Variants in IGDCC3 observed in about 807,000 individuals in gnomAD.
IGDCC3 encodes the protein immunoglobulin superfamily DCC subclass member 3.
IGDCC3 carries 47 observed loss-of-function variants against 72.0 expected under a neutral mutation model. The ratio of observed to expected loss-of-function variants is 0.65; its 90% CI spans 0.52 to 0.83. The LOEUF (loss-of-function observed/expected upper bound fraction) is 0.83. IGDCC3 is among the 40% of genes least tolerant of loss of function. The probability of loss-of-function intolerance (pLI) is 0.00; values close to 1 mark genes in which losing one functional copy is unlikely to be tolerated. For synonymous variants in IGDCC3, 477 were observed against 472.8 expected, an observed-to-expected ratio of 1.01 and a Z score of -0.11; for missense variants, 1,038 against 1,091.3, an observed-to-expected ratio of 0.95 and a Z score of 0.69.
chr15:65,329,438 C>G lies in IGDCC3; in HGVS notation c.2157G>C (p.Gln719His). The change falls in exon 13 of 14, where the codon CAG (glutamine) becomes CAC (histidine). Residue 719 changes from glutamine to histidine, a missense_variant. Coordinates refer to ENST00000327987, the MANE Select transcript of IGDCC3 (RefSeq NM_004884.4). This position sits in a 1 kb window ranked among gnomAD's most constrained non-coding sequence, Gnocchi z 4.1. ...EKRVDMKELE[Q>H]LFPPASAAGQ... ...CTGCTGCGCTGGCCGGGGGGAACAG[C>G]TGCTCCAGCTCCTTCATATCCACAC... The G allele has an allele frequency of 6.2e-7, 1 of 1,607,176 alleles. No individual in the cohort carries two copies. Among genetic ancestry groups the G allele is most frequent in the Non-Finnish European group, 8.5e-7 (1 of 1,177,440 alleles).
intron 2 of IGDCC3, among the ~76,000 whole-genome samples, chr15:65,337,887 G>A (rs2091045398): frequency 6.6e-6 from 1 of 152,206 alleles, no homozygotes; most frequent in South Asian, 2.1e-4. Context: ...GGGACTAATG[G>A]CTCTGCTGAC....
chr15:65,332,910 C>A (rs113139138), intron 6 of IGDCC3, among the ~76,000 whole-genome samples: 26 of 152,262 alleles, frequency 1.7e-4, no homozygotes, highest in African/African-American at 5.8e-4. Context: ...AGATGCCACA[C>A]GTGTGAATGA....
chr15:65,374,807 T>C (rs556810496), intron 2 of IGDCC3, among the ~76,000 whole-genome samples: 24 of 152,328 alleles, frequency 1.6e-4, no homozygotes, highest in African/African-American at 5.8e-4. Context: ...GAAAGGCATA[T>C]GGAAACTAAG....
In IGDCC3 at chr15:65,328,856, G is replaced by GACCT; in HGVS notation, c.*49_*52dup. ...ACATGACAGTAGAAATCTTGCTTTTGACCTGAGAATGGGCCCCGCTCCGTC... is the reference window on the plus strand; with the variant it reads ...ACATGACAGTAGAAATCTTGCTTTTGACCTACCTGAGAATGGGCCCCGCTCCGTC... On this transcript the variant is annotated 3_prime_UTR_variant, in exon 14 of 14. Coordinates refer to ENST00000327987, the MANE Select transcript of IGDCC3 (RefSeq NM_004884.4). 2 of 1,487,608 alleles carry GACCT rather than the reference G, an allele frequency of 1.3e-6. No individual in the cohort carries two copies. Among genetic ancestry groups the GACCT allele is most frequent in the Non-Finnish European group, 1.8e-6 (2 of 1,119,256 alleles). 92.2% of individuals were successfully genotyped at this position (1,487,608 alleles called of 1,614,324 possible).
At position 65,353,175 on chromosome 15, in the gene IGDCC3, T is replaced by C. The variant is rs114316455; in HGVS notation, c.410-17219A>G. 4.6e-3 allele frequency among the ~76,000 whole-genome samples: 701 copies of C among 152,212 alleles called. 2 individuals carry two copies. Among genetic ancestry groups the C allele is most frequent in the African/African-American group, 0.016 (670 of 41,518 alleles). ...ATATTGTGGAGTATCTTTGTAGGAATACAGGACAAGCGTACTTTTTTTTTT... is the reference window on the plus strand; with the variant it reads ...ATATTGTGGAGTATCTTTGTAGGAACACAGGACAAGCGTACTTTTTTTTTT... On this transcript the variant is annotated intron_variant, in intron 2 of 13. Transcript: ENST00000327987.
In IGDCC3 at chr15:65,364,569, A is replaced by G. The variant is rs552436232; in HGVS notation, c.409+10528T>C. Among the ~76,000 whole-genome samples the G allele has an allele frequency of 2.3e-3, 353 of 152,238 alleles. 2 individuals carry two copies. Among genetic ancestry groups the G allele is most frequent in the Non-Finnish European group, 3.4e-3 (229 of 68,022 alleles). ...TCCAAGGCTTAACAAGCCCACACCC[A>G]CAGATAAACCAGAGCAGCACGAAAG... is the stretch of plus-strand genomic sequence containing the variant. On this transcript the variant is annotated intron_variant, in intron 2 of 13. Coordinates refer to ENST00000327987, the MANE Select transcript of IGDCC3 (RefSeq NM_004884.4).
chr15:65,370,548 AT>A (rs1202458841), intron 2 of IGDCC3, among the ~76,000 whole-genome samples: 1 of 139,498 alleles, frequency 7.2e-6, no homozygotes, highest in Non-Finnish European at 1.5e-5. Flanking sequence ...TTATATATAT[AT>A]GTGTGTGTGT....
intron 2 of IGDCC3, among the ~76,000 whole-genome samples, chr15:65,373,011 G>A (rs1388980848): frequency 6.6e-6 from 1 of 152,148 alleles, no homozygotes; most frequent in Admixed American, 6.5e-5. Context: ...TAACCAAGCT[G>A]ACCCCACCCA....
At chr15:65,360,735 T>C (rs2140163944) in intron 2 of IGDCC3, among the ~76,000 whole-genome samples, 2 of 152,302 alleles carry the variant, frequency 1.3e-5, no homozygotes, top group Middle Eastern at 6.8e-3. Context: ...CAAATCCCAT[T>C]TGACCAATCA....
Position 65,331,415 on chromosome 15 carries a change from C to G in IGDCC3, c.1393G>C (p.Ala465Pro). ...IGYVLHIRKA[A>P]DPPELEYQEA... ...CAACAGAGCTGGCCACGCGCACCAG[C>G]AGCCTTCCTGATGTGCAGGACGTAG... is the stretch of plus-strand genomic sequence containing the variant. The change falls in exon 8 of 14, where the codon GCT (alanine) becomes CCT (proline). Residue 465 changes from alanine to proline, a missense_variant. By Grantham distance (27) the Ala-to-Pro change is conservative. Transcript: ENST00000327987. The G allele has an allele frequency of 1.9e-6, 3 of 1,601,602 alleles. No individual in the cohort carries two copies. The highest frequency in any genetic ancestry group is 1.7e-6 in the Non-Finnish European group (2 of 1,172,222).
At chr15:65,346,513 A>G (rs1044485041) in intron 2 of IGDCC3, among the ~76,000 whole-genome samples, 32 of 151,740 alleles carry the variant, frequency 2.1e-4, no homozygotes, top group African/African-American at 7.7e-4. Context: ...CTGGAGTGCA[A>G]TGGCGCGATC....
intron 5 of IGDCC3, among the ~76,000 whole-genome samples, chr15:65,334,098 C>T (rs2091003819): frequency 6.6e-6 from 1 of 152,004 alleles, no homozygotes; most frequent in Admixed American, 6.6e-5. Flanking sequence ...GCTGCCCCCT[C>T]CCTCCCCATC....
chr15:65,329,431 G>T lies in IGDCC3; in HGVS notation c.2164C>A (p.Pro722Thr). The change falls in exon 13 of 14, where the codon CCC becomes ACC. Residue 722 changes from proline to threonine, a missense_variant. Coordinates refer to ENST00000327987, the MANE Select transcript of IGDCC3 (RefSeq NM_004884.4). This position sits in a 1 kb window ranked among gnomAD's most constrained non-coding sequence, Gnocchi z 4.1. ...VDMKELEQLFPPASAAGQPDP... is the reference protein window; with the variant it reads ...VDMKELEQLFTPASAAGQPDP... The stretch of plus-strand genomic sequence containing the variant: ...GGCTGCCCTGCTGCGCTGGCCGGGG[G>T]GAACAGCTGCTCCAGCTCCTTCATA... 1 of 1,605,034 alleles carries T rather than the reference G, an allele frequency of 6.2e-7. No homozygotes were observed. The highest frequency in any genetic ancestry group is 8.5e-7 in the Non-Finnish European group (1 of 1,176,852).
intron 1 of IGDCC3, among the ~76,000 whole-genome samples, chr15:65,376,431 C>G (rs1183868828): frequency 1.3e-5 from 2 of 152,248 alleles, no homozygotes; most frequent in Admixed American, 1.3e-4. Context: ...AATGAACCCA[C>G]CTGGTCTGAA....
intron 8 of IGDCC3, 61 bp from the exon 9 acceptor site, chr15:65,331,275 G>C: frequency 6.3e-7 from 1 of 1,588,972 alleles, no homozygotes; most frequent in East Asian, 2.2e-5. Flanking sequence ...GCCAGCATTG[G>C]TGAAATGAGG....
chr15:65,355,256 G>C (rs1322899398), intron 2 of IGDCC3, among the ~76,000 whole-genome samples: 1 of 152,200 alleles, frequency 6.6e-6, no homozygotes, highest in Non-Finnish European at 1.5e-5. Context: ...AGCCGCAGTG[G>C]CTAGGCGGCA....
In IGDCC3 at chr15:65,375,241, T is replaced by G. The variant is rs1379670804; in HGVS notation, c.265A>C (p.Thr89Pro). 6.2e-7 allele frequency: 1 copy of G among 1,614,186 alleles called. No homozygotes were observed. The highest frequency in any genetic ancestry group is 8.5e-7 in the Non-Finnish European group (1 of 1,180,030). Residue 89 changes from threonine to proline, a missense_variant, in exon 2 of 14, where the codon ACC becomes CCC. Physicochemically the swap from Thr to Pro is conservative, Grantham distance 38 (BLOSUM62 -1). Coordinates refer to ENST00000327987, the MANE Select transcript of IGDCC3 (RefSeq NM_004884.4). Reference protein sequence around the residue: ...GVELPESTHSTLLANGSLMIR... With the variant: ...GVELPESTHSPLLANGSLMIR... ...ATCAAGGACCCATTGGCCAGCAAGG[T>G]GGAGTGGGTACTCTCTGGCAGCTCT...
intron 2 of IGDCC3, among the ~76,000 whole-genome samples, chr15:65,366,683 C>T (rs960140207): frequency 1.3e-5 from 2 of 152,154 alleles, no homozygotes; most frequent in African/African-American, 2.4e-5. Context: ...CCAGTCCTGG[C>T]CCCCCACCGG....
chr15:65,329,212 C>A lies in IGDCC3; in HGVS notation c.2206-64G>T. On this transcript the variant is annotated intron_variant, in intron 13 of 13. Transcript: ENST00000327987. The surrounding 1 kb of genome is among the most constrained non-coding windows in gnomAD (Gnocchi z 4.1). ...GCCAGGGCGCCAGGCTCCAACTCAC[C>A]CCACTTGGGCCTTAGGGTCTCCAGG... 6.5e-7 allele frequency: 1 copy of A among 1,544,798 alleles called. No individual in the cohort carries two copies. The highest frequency in any genetic ancestry group is 8.7e-7 in the Non-Finnish European group (1 of 1,150,718).
Sources: allele counts gnomAD v4.1 joint callset (sites outside exome capture counted in the v4.1 genomes callset), GRCh38; gene constraint gnomAD v4.1.1; non-coding constraint Gnocchi (gnomAD v3.1); transcripts MANE v1.5; gene names NCBI Gene and HGNC (gene_info 2026-07-23, HGNC 2026-07-21).